The following SULF1 variants were observed in gnomAD, a reference collection of about 807,000 sequenced individuals.
The protein encoded by SULF1 is extracellular sulfatase Sulf-1.
In SULF1, 46 loss-of-function variants were observed where a neutral mutation model predicts 110.5. That is an observed-to-expected ratio of 0.42 (90% CI 0.33 to 0.53). The LOEUF (loss-of-function observed/expected upper bound fraction) is 0.53, where lower values mean the gene tolerates loss of function less well. Among genes scored for constraint, SULF1 ranks in the 20% least tolerant of loss-of-function variants. SULF1 has a pLI of 0.12. For synonymous variants in SULF1, 371 were observed against 387.1 expected (o/e 0.96, Z 0.49); for missense variants, 941 against 1,094.2 (o/e 0.86, Z 1.98).
chr8:69,512,741 A>C (rs548377730), intron 3 of SULF1, among the ~76,000 whole-genome samples: 2 of 151,130 alleles, frequency 1.3e-5, no homozygotes, highest in Non-Finnish European at 3.0e-5. Flanking sequence ...CTTGGCCCTA[A>C]CATATCTCAT....
At chr8:69,538,537 G>GA (rs1813624999) in intron 3 of SULF1, among the ~76,000 whole-genome samples, 1 of 152,164 alleles carries the variant, frequency 6.6e-6, no homozygotes, top group South Asian at 2.1e-4. Flanking sequence ...TCTGGAAGGC[G>GA]AGGGGGAGTA....
intron 3 of SULF1, among the ~76,000 whole-genome samples, chr8:69,510,653 G>A (rs1247942801): frequency 1.4e-5 from 2 of 143,008 alleles, no homozygotes; most frequent in African/African-American, 5.2e-5. Flanking sequence ...GTCTCACTCT[G>A]TCACCCACAC....
At chr8:69,552,223 T>C (rs1320321848) in intron 3 of SULF1, among the ~76,000 whole-genome samples, 2 of 152,250 alleles carry the variant, frequency 1.3e-5, no homozygotes, top group Admixed American at 6.5e-5. Flanking sequence ...AGGGCCTTTA[T>C]TTAAGGGTTG....
At chr8:69,530,879 TG>T (rs1813034545) in intron 3 of SULF1, among the ~76,000 whole-genome samples, 1 of 152,176 alleles carries the variant, frequency 6.6e-6, no homozygotes, top group Non-Finnish European at 1.5e-5. Context: ...CCTGCACAAG[TG>T]GATGCTGAGA....
At chr8:69,624,796 C>T (rs1270055194) in intron 15 of SULF1, among the ~76,000 whole-genome samples, 1 of 152,158 alleles carries the variant, frequency 6.6e-6, no homozygotes, top group South Asian at 2.1e-4. Flanking sequence ...GCAGATGATT[C>T]CCTCATAAGT....
At chr8:69,532,245 T>C (rs16936019) in intron 3 of SULF1, among the ~76,000 whole-genome samples, 13,973 of 152,282 alleles carry the variant, frequency 0.092, 1,242 homozygotes, top group East Asian at 0.41. Context: ...TTTTGCCTGA[T>C]GGTCTTGTAA....
chr8:69,573,858 G>A (rs1432963070), intron 5 of SULF1, among the ~76,000 whole-genome samples: 1 of 152,166 alleles, frequency 6.6e-6, no homozygotes, highest in Non-Finnish European at 1.5e-5. Context: ...TCAGTGAAAC[G>A]ATTGGTTTCC....
At chr8:69,565,167 C>T (rs559828035) in intron 5 of SULF1, among the ~76,000 whole-genome samples, 4 of 152,050 alleles carry the variant, frequency 2.6e-5, no homozygotes, top group South Asian at 4.2e-4. Context: ...GAAGCAAATG[C>T]GCTAAAAAGC....
Position 69,585,988 on chromosome 8 carries a change from C to T in SULF1, c.413-369C>T, listed in dbSNP as rs1440805554. The stretch of plus-strand genomic sequence containing the variant: ...AACTTTCAGTTCTCCAACACCTGCC[C>T]GGTGGTTGCATTCCAAATCTCACGC... On this transcript the variant is annotated intron_variant, in intron 6 of 22. Coordinates refer to ENST00000402687, the MANE Select transcript of SULF1 (RefSeq NM_001128205.2). 3.9e-5 allele frequency among the ~76,000 whole-genome samples: 6 copies of T among 152,160 alleles called. No homozygotes were observed. In the East Asian group the frequency reaches 5.8e-4, roughly 15 times the overall value.
At chr8:69,588,635 T>C in intron 7 of SULF1, among the ~76,000 whole-genome samples, 1 of 152,208 alleles carries the variant, frequency 6.6e-6, no homozygotes, top group Non-Finnish European at 1.5e-5. Context: ...CTGAAATATG[T>C]ATCCGGTGTT....
intron 3 of SULF1, among the ~76,000 whole-genome samples, chr8:69,546,273 C>T (rs1420778130): frequency 6.6e-6 from 1 of 152,164 alleles, no homozygotes; most frequent in African/African-American, 2.4e-5. Context: ...GAGATGAGTT[C>T]ACAGTATGGA....
At chr8:69,610,079 T>G (rs544478983) in intron 13 of SULF1, among the ~76,000 whole-genome samples, 1 of 152,356 alleles carries the variant, frequency 6.6e-6, no homozygotes, top group South Asian at 2.1e-4. Context: ...TTTGTTTTGA[T>G]AGGGCAAATA....
At chr8:69,620,928 G>T in intron 13 of SULF1, 107 bp from the exon 14 acceptor site, 1 of 820,028 alleles carries the variant, frequency 1.2e-6, no homozygotes. Context: ...TAATGATATT[G>T]CCAGTGCTTC....
intron 3 of SULF1, among the ~76,000 whole-genome samples, chr8:69,544,931 T>A (rs1463291321): frequency 1.3e-5 from 2 of 152,198 alleles, no homozygotes; most frequent in Non-Finnish European, 2.9e-5. Flanking sequence ...CCACTTAACC[T>A]CTTTCAGGAA....
rs3802277 is a variant in SULF1, at chr8:69,628,105, A to G, written c.2043-66A>G. 5.1e-6 allele frequency: 7 copies of G among 1,379,926 alleles called. No homozygotes were observed. In the East Asian group the frequency reaches 1.6e-4, roughly 32 times the overall value. The allele number at this position is 1,379,926 out of a possible 1,614,324, so 85.5% of individuals were successfully genotyped here. ...CTTCTTTCTATTTTGCTTTCTTTTT[A>G]TAAAATGAACACTTTGATCCAATGC... On this transcript the variant is annotated intron_variant, in intron 17 of 22. Coordinates refer to ENST00000402687, the MANE Select transcript of SULF1 (RefSeq NM_001128205.2).
At chr8:69,564,428 A>G (rs888223756) in intron 5 of SULF1, among the ~76,000 whole-genome samples, 2 of 152,222 alleles carry the variant, frequency 1.3e-5, no homozygotes, top group Non-Finnish European at 2.9e-5. Flanking sequence ...GAAAGGATTG[A>G]AAGCCCTCAG....
intron 3 of SULF1, among the ~76,000 whole-genome samples, chr8:69,543,178 A>G (rs554661780): frequency 6.6e-6 from 1 of 152,160 alleles, no homozygotes; most frequent in Non-Finnish European, 1.5e-5. Context: ...TTGCAAATAT[A>G]TAAATTAAGC....
chr8:69,468,272 T>C (rs1478093742), intron 1 of SULF1, among the ~76,000 whole-genome samples: 2 of 152,216 alleles, frequency 1.3e-5, no homozygotes, highest in Non-Finnish European at 2.9e-5. Flanking sequence ...TAAGAGCTGT[T>C]TGGTAGGTTG....
In SULF1 at chr8:69,496,193, A is replaced by G. The variant is rs561365760; in HGVS notation, c.-229+267A>G. 3.9e-5 allele frequency among the ~76,000 whole-genome samples: 6 copies of G among 152,378 alleles called. No homozygotes were observed. The East Asian group carries it at 1.2e-3, about 29-fold the overall frequency. On this transcript the variant is annotated intron_variant, in intron 2 of 22. Transcript: ENST00000402687. ...TTCAGAGCAAATGCCATTTCTTATA[A>G]AAGGGGCTTAGCCCCAGACTTTATG...
Sources: allele counts gnomAD v4.1 joint callset (sites outside exome capture counted in the v4.1 genomes callset), GRCh38; gene constraint gnomAD v4.1.1; transcripts MANE v1.5; gene names NCBI Gene and HGNC (gene_info 2026-07-23, HGNC 2026-07-21).